CFAP44: variants seen among roughly 807,000 people sequenced by gnomAD.
CFAP44 encodes cilia- and flagella-associated protein 44.
In CFAP44, 134 loss-of-function variants were observed where a neutral mutation model predicts 216.2. The ratio of observed to expected loss-of-function variants is 0.62; its 90% confidence interval spans 0.54 to 0.72. CFAP44 has a LOEUF of 0.72. Among genes scored for constraint, CFAP44 ranks in the 30% least tolerant of loss-of-function variants. The pLI, the probability that CFAP44 is intolerant of heterozygous loss-of-function variation, is 0.00. For missense variants in CFAP44, 2,035 were observed against 2,182.1 expected, an observed-to-expected ratio of 0.93 and a Z score of 1.34; for synonymous variants, 700 against 727.6, an observed-to-expected ratio of 0.96 and a Z score of 0.61.
intron 21 of CFAP44, among the ~76,000 whole-genome samples, chr3:113,361,502 T>TG (rs1387445344): frequency 2.0e-5 from 3 of 151,024 alleles, no homozygotes; most frequent in Non-Finnish European, 4.4e-5. Flanking sequence ...TGTTTTGTTT[T>TG]TTTTTTTTTT....
At chr3:113,387,644 CCTT>C (rs1269395404) in intron 15 of CFAP44, among the ~76,000 whole-genome samples, 2 of 151,902 alleles carry the variant, frequency 1.3e-5, no homozygotes, top group Admixed American at 6.6e-5. Context: ...AGGAAGGACT[CCTT>C]CTGCTTGAGA....
chr3:113,351,154 A>G (rs750389878), intron 22 of CFAP44, among the ~76,000 whole-genome samples: 2 of 152,254 alleles, frequency 1.3e-5, no homozygotes, highest in Admixed American at 6.5e-5. Context: ...GGAAGGAGCC[A>G]TCTATACAAA....
At chr3:113,310,816 G>A (rs1306058106) in intron 28 of CFAP44, among the ~76,000 whole-genome samples, 5 of 152,150 alleles carry the variant, frequency 3.3e-5, no homozygotes, top group Admixed American at 2.6e-4. Flanking sequence ...AAAGTGTGGT[G>A]TGTAGTGCCT....
At chr3:113,325,938 A>T (rs1576549017) in intron 28 of CFAP44, among the ~76,000 whole-genome samples, 1 of 152,224 alleles carries the variant, frequency 6.6e-6, no homozygotes, top group African/African-American at 2.4e-5. Flanking sequence ...GATCAAAGCA[A>T]TTCAGTCGAA....
chr3:113,408,724 G>A (rs1016314196), intron 7 of CFAP44, among the ~76,000 whole-genome samples: 4 of 151,972 alleles, frequency 2.6e-5, no homozygotes, highest in Non-Finnish European at 5.9e-5. Flanking sequence ...TTAGCCAAGC[G>A]TTGTGGTGGG....
chr3:113,396,051 T>C (rs1286535352), intron 14 of CFAP44, among the ~76,000 whole-genome samples, 191 bp from the exon 15 acceptor site: 1 of 152,312 alleles, frequency 6.6e-6, no homozygotes, highest in South Asian at 2.1e-4. Flanking sequence ...AAACCATGTG[T>C]TTCAGTATGT....
chr3:113,426,123 C>T lies in CFAP44; in HGVS notation c.407+1G>A, dbSNP rs749225113. 6.2e-7 allele frequency: 1 copy of T among 1,613,532 alleles called. No homozygotes were observed. Among genetic ancestry groups the T allele is most frequent in the African/African-American group, 1.3e-5 (1 of 74,876 alleles). ...TATACATATTTAGCCAGGGTGGATACACAAGTGTGAGAAGATCCAGTGGTA... is the reference window on the plus strand; with the variant it reads ...TATACATATTTAGCCAGGGTGGATATACAAGTGTGAGAAGATCCAGTGGTA... On this transcript the variant is annotated splice_donor_variant, in intron 4 of 34. Transcript: ENST00000393845. LOFTEE classifies it high-confidence loss of function.
intron 21 of CFAP44, 92 bp downstream of exon 21, chr3:113,363,053 G>C (rs1950556498): frequency 2.9e-6 from 4 of 1,402,290 alleles, no homozygotes; most frequent in Non-Finnish European, 9.3e-7. Context: ...AAAGAAAGAT[G>C]ATTTTAAGTG....
chr3:113,290,314 A>G lies in CFAP44; in HGVS notation c.*1243T>C, dbSNP rs1949816622. The G allele has an allele frequency of 6.6e-6, 1 of 152,362 alleles. No homozygotes were observed. Among genetic ancestry groups the G allele is most frequent in the East Asian group, 1.9e-4 (1 of 5,192 alleles). 9.4% of individuals were successfully genotyped at this position (152,362 alleles called of 1,614,324 possible). On this transcript the variant is annotated 3_prime_UTR_variant, in exon 35 of 35. Transcript: ENST00000393845. ...TATGAAGGAATCTTAGGAAGACAAT[A>G]GGCCAAGTGGCCACCTCTAAGAATA...
rs868287742 is a variant in CFAP44 at position 113,341,412 on chromosome 3, A to G, written c.3437+332T>C. Among the ~76,000 whole-genome samples, 4 of 152,176 alleles carry G rather than the reference A, an allele frequency of 2.6e-5. No individual in the cohort carries two copies. The South Asian group carries it at 8.3e-4, about 32-fold the overall frequency. ...AAAGATAAAGGTACGAGCCAAAACT[A>G]TAAGATGTTAGAAGAACATACAGGA... On this transcript the variant is annotated intron_variant, in intron 24 of 34. Coordinates refer to ENST00000393845, the MANE Select transcript of CFAP44 (RefSeq NM_001164496.2).
chr3:113,341,518 A>G (rs540713897), intron 24 of CFAP44, among the ~76,000 whole-genome samples: 2 of 152,226 alleles, frequency 1.3e-5, no homozygotes, highest in Admixed American at 6.5e-5. Flanking sequence ...TATTAGCAAA[A>G]TGGAATTCCT....
chr3:113,304,861 C>T (rs1949970080), intron 31 of CFAP44, among the ~76,000 whole-genome samples, 175 bp downstream of exon 31: 1 of 152,200 alleles, frequency 6.6e-6, no homozygotes, highest in Non-Finnish European at 1.5e-5. Context: ...TTTGATGTTA[C>T]TCTTTTATAA....
chr3:113,419,035 T>C (rs1286480929), intron 5 of CFAP44, among the ~76,000 whole-genome samples: 5 of 152,168 alleles, frequency 3.3e-5, no homozygotes, highest in Non-Finnish European at 5.9e-5. Context: ...ACTACACCTC[T>C]GACTACTGTC....
chr3:113,291,580 C>G lies in CFAP44; in HGVS notation c.5542G>C (p.Glu1848Gln). The G allele has an allele frequency of 6.5e-7, 1 of 1,537,228 alleles. No individual in the cohort carries two copies. The highest frequency in any genetic ancestry group is 8.7e-7 in the Non-Finnish European group (1 of 1,146,908). The change falls in exon 35 of 35, where the codon GAG becomes CAG. Residue 1848 changes from glutamate (E) to glutamine (Q), a missense_variant. Physicochemically the swap from Glu to Gln is conservative, Grantham distance 29. Around this residue, in one of 3 missense-constraint regions of CFAP44, gnomAD observed 1,883 missense variants for 2,023.7 expected, o/e 0.93. Transcript: ENST00000393845. ...LPPIQSPREK[E>Q]IQPADL ...ACTCAAAGGTCTGCGGGCTGTATCT[C>G]TTTCTCTCGTGGAGACTGAATGGGT...
chr3:113,422,295 C>T lies in CFAP44; in HGVS notation c.408-2116G>A, dbSNP rs141051699. On this transcript the variant is annotated intron_variant, in intron 4 of 34. Transcript: ENST00000393845. ...AAACAAATTCTGATTTTAGAGAATTCCACTTATTCATAAGTAAATAATAAT... is the reference window on the plus strand; with the variant it reads ...AAACAAATTCTGATTTTAGAGAATTTCACTTATTCATAAGTAAATAATAAT... 2.0e-5 allele frequency among the ~76,000 whole-genome samples: 3 copies of T among 152,126 alleles called. No homozygotes were observed. The East Asian group carries it at 5.8e-4, about 29-fold the overall frequency.
At chr3:113,317,091 G>A (rs947854983) in intron 28 of CFAP44, among the ~76,000 whole-genome samples, 5 of 152,156 alleles carry the variant, frequency 3.3e-5, no homozygotes, top group African/African-American at 1.2e-4. Flanking sequence ...AAACACCAAG[G>A]CTCTCCCCAA....
chr3:113,385,890 T>C lies in CFAP44; in HGVS notation c.1891-4830A>G, dbSNP rs569010331. 3.1e-4 allele frequency among the ~76,000 whole-genome samples: 47 copies of C among 152,028 alleles called. 1 individual carries two copies. Among genetic ancestry groups the C allele is most frequent in the South Asian group, 1.2e-3 (6 of 4,822 alleles). On this transcript the variant is annotated intron_variant, in intron 15 of 34. Coordinates refer to ENST00000393845, the MANE Select transcript of CFAP44 (RefSeq NM_001164496.2). Reference sequence around the variant, plus strand: ...AACTCCTGACCTCAGGTGATCTGCCTGCCTCAGCCTCCCAGAGTGCTGAGA... The same window carrying C: ...AACTCCTGACCTCAGGTGATCTGCCCGCCTCAGCCTCCCAGAGTGCTGAGA...
chr3:113,298,811 A>C (rs1949906644), intron 32 of CFAP44, among the ~76,000 whole-genome samples: 1 of 152,206 alleles, frequency 6.6e-6, no homozygotes, highest in Non-Finnish European at 1.5e-5. Flanking sequence ...CAGAAAGTAG[A>C]GTGGCAGTTT....
chr3:113,353,451 A>AACACAC (rs1950463759), intron 22 of CFAP44, among the ~76,000 whole-genome samples: 1 of 110,370 alleles, frequency 9.1e-6, no homozygotes, highest in East Asian at 3.3e-4. Flanking sequence ...TATATGTATG[A>AACACAC]ATACACACAC....
Sources: allele counts gnomAD v4.1 joint callset (sites outside exome capture counted in the v4.1 genomes callset), GRCh38; gene constraint gnomAD v4.1.1; regional missense constraint gnomAD v4.1.1; transcripts MANE v1.5; gene names NCBI Gene and HGNC (gene_info 2026-07-23, HGNC 2026-07-21).